Variants in CD302 observed in about 807,000 individuals in gnomAD.
The protein encoded by CD302 is CD302 antigen.
In CD302, 23 loss-of-function variants were observed where a neutral mutation model predicts 26.5. The ratio of observed to expected loss-of-function variants is 0.87; its 90% confidence interval spans 0.62 to 1.23. The LOEUF (loss-of-function observed/expected upper bound fraction) is 1.23, where lower values mean the gene tolerates loss of function less well. Ranked by LOEUF, CD302 falls within the 50% of genes most tolerant of loss-of-function variation. The pLI is 0.00. For missense variants in CD302, 290 were observed against 275.5 expected (o/e 1.05, Z -0.37); for synonymous variants, 90 against 99.4 (o/e 0.91, Z 0.56).
chr2:159,786,326 CTTTTT>C (rs1708662084), intron 1 of CD302, among the ~76,000 whole-genome samples: 2 of 125,198 alleles, frequency 1.6e-5, no homozygotes, highest in African/African-American at 5.5e-5. Flanking sequence ...AGCATGTTGT[CTTTTT>C]CTTTTTTTTT....
chr2:159,788,105 CAA>C (rs11314559), intron 1 of CD302, among the ~76,000 whole-genome samples: 59 of 138,198 alleles, frequency 4.3e-4, no homozygotes, highest in Admixed American at 3.5e-4. Flanking sequence ...GACTCCGTCT[CAA>C]AAAAAAAAAA....
intron 4 of CD302, 80 bp downstream of exon 4, chr2:159,779,925 C>T (rs751387027): frequency 6.7e-7 from 1 of 1,503,604 alleles, no homozygotes; most frequent in Non-Finnish European, 9.0e-7. Context: ...TTGAGGCACA[C>T]TTATCTCAAA....
chr2:159,787,483 T>A (rs1708699398), intron 1 of CD302, among the ~76,000 whole-genome samples: 2 of 151,900 alleles, frequency 1.3e-5, no homozygotes, highest in South Asian at 2.1e-4. Context: ...ATTCTTTAAT[T>A]TTTTTTCTGT....
intron 1 of CD302, among the ~76,000 whole-genome samples, chr2:159,784,346 CTTTTTTTTTTTT>C (rs151184238): frequency 2.6e-4 from 14 of 53,098 alleles, no homozygotes; most frequent in African/African-American, 8.5e-4. Flanking sequence ...TTAAGTTCTG[CTTTTTTTTTTTT>C]TTTTTTTTTT....
Position 159,769,774 on chromosome 2 carries a change from A to G in CD302, c.*2077T>C, listed in dbSNP as rs1708075957. On this transcript the variant is annotated 3_prime_UTR_variant, in exon 6 of 6. Coordinates refer to ENST00000259053, the MANE Select transcript of CD302 (RefSeq NM_014880.5). The stretch of plus-strand genomic sequence containing the variant: ...AGCTGCCATTAGGTAGAAAGTATCA[A>G]AATGTACAAAAGAAAGTTGTATGGG... The G allele has an allele frequency of 6.6e-6, 1 of 152,216 alleles. No homozygotes were observed. The highest frequency in any genetic ancestry group is 2.1e-4 in the South Asian group (1 of 4,836). The allele number at this position is 152,216 out of a possible 1,614,324, so 9.4% of individuals were successfully genotyped here. A position where few individuals can be genotyped will look rare whatever the true frequency, so the allele number is the denominator to read the frequency against.
chr2:159,782,504 G>A (rs1028004007), intron 2 of CD302, among the ~76,000 whole-genome samples: 1 of 151,488 alleles, frequency 6.6e-6, no homozygotes, highest in African/African-American at 2.4e-5. Flanking sequence ...AGGCCAAGGT[G>A]AGAGGATCAC....
intron 1 of CD302, among the ~76,000 whole-genome samples, chr2:159,792,869 T>C (rs1708845524): frequency 6.6e-6 from 1 of 152,178 alleles, no homozygotes; most frequent in African/African-American, 2.4e-5. Context: ...TAATTCAACA[T>C]GGAACCCCTT....
intron 4 of CD302, among the ~76,000 whole-genome samples, chr2:159,778,651 G>T (rs2125798474): frequency 6.6e-6 from 1 of 152,208 alleles, no homozygotes; most frequent in African/African-American, 2.4e-5. Flanking sequence ...GGAAATGGTT[G>T]TTTATATCAT....
Position 159,769,284 on chromosome 2 carries a change from G to A in CD302, c.*2567C>T, listed in dbSNP as rs1046924989. ...GGATGTAGTAAACAAGCCTGCCTGT[G>A]TAATCCAATTATCTCTTCACTAATG... On this transcript the variant is annotated 3_prime_UTR_variant, in exon 6 of 6. Transcript: ENST00000259053. 2 of 152,208 alleles carry A rather than the reference G, an allele frequency of 1.3e-5. No homozygotes were observed. The highest frequency in any genetic ancestry group is 4.8e-5 in the African/African-American group (2 of 41,452). The allele number at this position is 152,208 out of a possible 1,614,324, so 9.4% of individuals were successfully genotyped here. A position where few individuals can be genotyped will look rare whatever the true frequency, so the allele number is the denominator to read the frequency against.
chr2:159,772,198 ATT>A, intron 5 of CD302, 145 bp from the exon 6 acceptor site: 1 of 831,366 alleles, frequency 1.2e-6, no homozygotes, highest in Non-Finnish European at 1.8e-6. Context: ...AAAATTTCGC[ATT>A]TGTTACTAAC....
At chr2:159,783,336 A>T in intron 2 of CD302, 23 bp downstream of exon 2, 1 of 1,540,660 alleles carries the variant, frequency 6.5e-7, no homozygotes, top group African/African-American at 1.4e-5. Context: ...GAAAAAACAA[A>T]CAGAAAAGAA....
At chr2:159,794,512 AAATT>A (rs1235763552) in intron 1 of CD302, among the ~76,000 whole-genome samples, 50 of 25,782 alleles carry the variant, frequency 1.9e-3, no homozygotes, top group Admixed American at 6.6e-3. Flanking sequence ...TAACATTTCA[AAATT>A]AATTAATTTA....
intron 2 of CD302, among the ~76,000 whole-genome samples, chr2:159,782,065 G>A (rs10169681): frequency 0.58 from 88,166 of 151,656 alleles, 25,912 homozygotes; most frequent in Admixed American, 0.68. Context: ...TCAGGAGTTC[G>A]GCACCAGCCT....
Position 159,771,683 on chromosome 2 carries a change from T to A in CD302, c.*168A>T. The A allele has an allele frequency of 2.6e-6, 2 of 770,080 alleles. No individual in the cohort carries two copies. The highest frequency in any genetic ancestry group is 4.0e-6 in the Non-Finnish European group (2 of 503,886). 47.7% of individuals were successfully genotyped at this position (770,080 alleles called of 1,614,324 possible). ...AGATCATTTCTAAAACCTGTTTTTT[T>A]AATGAACCTAAAGACTTTTCACAGC... is the stretch of plus-strand genomic sequence containing the variant. On this transcript the variant is annotated 3_prime_UTR_variant, in exon 6 of 6. Transcript: ENST00000259053.
chr2:159,796,382 C>T (rs1327205542), intron 1 of CD302, among the ~76,000 whole-genome samples: 1 of 152,118 alleles, frequency 6.6e-6, no homozygotes, highest in African/African-American at 2.4e-5. Context: ...GGTATTCATA[C>T]GTTTTCTGGT....
At chr2:159,779,921 C>G in intron 4 of CD302, 84 bp downstream of exon 4, 1 of 1,484,056 alleles carries the variant, frequency 6.7e-7, no homozygotes, top group South Asian at 1.4e-5. Context: ...TTTATTGAGG[C>G]ACACTTATCT....
At chr2:159,787,884 C>G (rs571341786) in intron 1 of CD302, among the ~76,000 whole-genome samples, 45 of 152,274 alleles carry the variant, frequency 3.0e-4, no homozygotes, top group African/African-American at 1.1e-3. Flanking sequence ...GTGGGTGGAT[C>G]ACCTGAGGTC....
At chr2:159,792,743 A>T (rs552989017) in intron 1 of CD302, among the ~76,000 whole-genome samples, 7 of 151,888 alleles carry the variant, frequency 4.6e-5, no homozygotes, top group East Asian at 1.9e-4. Context: ...CCAAAAAAAA[A>T]TTTTTTTTTA....
intron 5 of CD302, among the ~76,000 whole-genome samples, chr2:159,773,538 AG>A (rs1708219310): frequency 6.6e-6 from 1 of 152,242 alleles, no homozygotes; most frequent in Non-Finnish European, 1.5e-5. Context: ...TAGCTTTAAA[AG>A]ACCGGGTATC....
Sources: allele counts gnomAD v4.1 joint callset (sites outside exome capture counted in the v4.1 genomes callset), GRCh38; gene constraint gnomAD v4.1.1; transcripts MANE v1.5; gene names NCBI Gene and HGNC (gene_info 2026-07-23, HGNC 2026-07-21).